The following IFNGR2 variants were observed in gnomAD, a reference collection of about 807,000 sequenced individuals.
IFNGR2 encodes the protein IFN-gamma receptor 2.
Under a neutral mutation model 41.1 loss-of-function variants are expected in IFNGR2, and 15 were observed. The observed-to-expected ratio is 0.37, with a 90% CI of 0.24 to 0.56. The LOEUF (loss-of-function observed/expected upper bound fraction) is 0.56, where lower values mean the gene tolerates loss of function less well. Ranked by LOEUF, IFNGR2 falls within the 20% of genes least tolerant of loss-of-function variation. The pLI, the probability that IFNGR2 is intolerant of heterozygous loss-of-function variation, is 0.81. For missense variants in IFNGR2, 362 were observed against 415.7 expected, an observed-to-expected ratio of 0.87 and a Z score of 1.12; for synonymous variants, 161 against 171.6, an observed-to-expected ratio of 0.94 and a Z score of 0.48.
At chr21:33,404,591 G>A (rs1399269836) in intron 1 of IFNGR2, among the ~76,000 whole-genome samples, 1 of 152,002 alleles carries the variant, frequency 6.6e-6, no homozygotes, top group East Asian at 1.9e-4. Flanking sequence ...GCCACGCCTG[G>A]CCAATTTTTG....
intron 2 of IFNGR2, among the ~76,000 whole-genome samples, chr21:33,419,047 G>A (rs1308752961): frequency 6.6e-6 from 1 of 152,054 alleles, no homozygotes; most frequent in African/African-American, 2.4e-5. Flanking sequence ...AAAATAACCT[G>A]TTGTTCTACA....
At chr21:33,418,451 T>C (rs1446461746) in intron 2 of IFNGR2, among the ~76,000 whole-genome samples, 2 of 152,218 alleles carry the variant, frequency 1.3e-5, no homozygotes, top group Non-Finnish European at 2.9e-5. Context: ...TTTTTCTTTT[T>C]CAGTTTGTAG....
At chr21:33,405,502 G>A (rs1480961223) in intron 1 of IFNGR2, among the ~76,000 whole-genome samples, 4 of 152,136 alleles carry the variant, frequency 2.6e-5, no homozygotes, top group East Asian at 3.8e-4. Context: ...GTTGATGATT[G>A]TCCTAGTGTG....
chr21:33,422,727 A>G (rs1328329279), intron 3 of IFNGR2, among the ~76,000 whole-genome samples: 1 of 151,900 alleles, frequency 6.6e-6, no homozygotes, highest in African/African-American at 2.4e-5. Context: ...AAACACAAAA[A>G]TTAGCTGGAT....
rs12106465 is a variant in IFNGR2, at chr21:33,406,860, G to T, written c.73+3244G>T. 8.1e-3 allele frequency among the ~76,000 whole-genome samples: 1,223 copies of T among 151,812 alleles called. 12 individuals are homozygous for T. The highest frequency in any genetic ancestry group is 0.028 in the African/African-American group (1,151 of 41,358). ...GATGAGGTTTCACCGTGTTTCCCAG[G>T]CTGGTTTTGAACTCCTGGGGTCAAG... On this transcript the variant is annotated intron_variant, in intron 1 of 6. Transcript: ENST00000290219.
At chr21:33,428,184 C>T (rs1274503670) in intron 4 of IFNGR2, among the ~76,000 whole-genome samples, 6 of 150,984 alleles carry the variant, frequency 4.0e-5, no homozygotes, top group South Asian at 2.1e-4. Context: ...TTCTGCCACA[C>T]GCTTTGTATC....
intron 3 of IFNGR2, among the ~76,000 whole-genome samples, chr21:33,426,187 CG>C (rs1310520290): frequency 8.6e-5 from 13 of 152,004 alleles, no homozygotes; most frequent in Non-Finnish European, 1.8e-4. Context: ...CCAAGGCAGG[CG>C]GATCACCTGA....
chr21:33,432,401 G>C, intron 5 of IFNGR2, 65 bp downstream of exon 5: 1 of 1,484,820 alleles, frequency 6.7e-7, no homozygotes, highest in Non-Finnish European at 9.4e-7. Flanking sequence ...TAGTGAAATC[G>C]GGGAATGCTT....
intron 4 of IFNGR2, among the ~76,000 whole-genome samples, chr21:33,430,093 C>T (rs1254391863): frequency 6.6e-6 from 1 of 152,128 alleles, no homozygotes; most frequent in Non-Finnish European, 1.5e-5. Context: ...GAGTCGAGAT[C>T]ACACTACTGC....
At chr21:33,408,601 T>C (rs1250382366) in intron 1 of IFNGR2, among the ~76,000 whole-genome samples, 1 of 152,174 alleles carries the variant, frequency 6.6e-6, no homozygotes, top group Non-Finnish European at 1.5e-5. Flanking sequence ...ATTCACCTCT[T>C]CACTGGTTGT....
chr21:33,427,092 A>G (rs563280647), intron 4 of IFNGR2, 60 bp downstream of exon 4: 3 of 1,467,076 alleles, frequency 2.0e-6, no homozygotes, highest in East Asian at 2.3e-5. Context: ...TGGCTTAGCA[A>G]AAGAAAGAAA....
chr21:33,435,917 C>T lies in IFNGR2; in HGVS notation c.880-911C>T, dbSNP rs534025936. 7.4e-5 allele frequency among the ~76,000 whole-genome samples: 11 copies of T among 147,892 alleles called. No individual in the cohort carries two copies. The South Asian group carries it at 8.6e-4, about 12-fold the overall frequency. ...AAAAAAAAAAAAAAAATTAGCCAGC[C>T]GTGGTGGTGCACGCCTGCAATCCTA... On this transcript the variant is annotated intron_variant, in intron 6 of 6. Transcript: ENST00000290219.
intron 3 of IFNGR2, among the ~76,000 whole-genome samples, chr21:33,423,320 T>C (rs1270481936): frequency 1.3e-5 from 2 of 151,856 alleles, no homozygotes; most frequent in Non-Finnish European, 2.9e-5. Flanking sequence ...ATTACAGGCG[T>C]GAGCCACCGC....
intron 4 of IFNGR2, among the ~76,000 whole-genome samples, chr21:33,427,973 T>C (rs1296736682): frequency 1.3e-5 from 2 of 151,604 alleles, no homozygotes; most frequent in East Asian, 3.9e-4. Context: ...TCAGGTGATC[T>C]GCCCACCTTG....
At chr21:33,428,399 AT>A (rs368717790) in intron 4 of IFNGR2, among the ~76,000 whole-genome samples, 1 of 149,938 alleles carries the variant, frequency 6.7e-6, no homozygotes, top group Non-Finnish European at 1.5e-5. Flanking sequence ...ATATTTTTAA[AT>A]TTTTTTTTAT....
intron 6 of IFNGR2, among the ~76,000 whole-genome samples, chr21:33,434,379 G>A (rs952018953): frequency 5.3e-5 from 8 of 152,160 alleles, no homozygotes; most frequent in Non-Finnish European, 8.8e-5. Flanking sequence ...AAAATTAGCC[G>A]GGCGTGGTGG....
At chr21:33,429,229 ACT>A (rs1348218399) in intron 4 of IFNGR2, among the ~76,000 whole-genome samples, 1 of 151,912 alleles carries the variant, frequency 6.6e-6, no homozygotes, top group Non-Finnish European at 1.5e-5. Context: ...GATGAAAATG[ACT>A]CTGAAAGCCA....
intron 6 of IFNGR2, 74 bp downstream of exon 6, chr21:33,432,945 G>A: frequency 7.9e-7 from 1 of 1,264,652 alleles, no homozygotes; most frequent in Non-Finnish European, 1.1e-6. Flanking sequence ...GAGTGTCATG[G>A]TACAATCTCT....
Position 33,414,925 on chromosome 21 carries a change from G to T in IFNGR2, c.111G>T (p.Lys37Asn). ...LSQLPAPQHP[K>N]IRLYNAEQVL... is the part of the protein sequence containing the mutation. ...AGCTGCCCGCTCCTCAGCACCCGAA[G>T]ATTCGCCTGTACAACGCAGAGCAGG... Residue 37 changes from lysine to asparagine, a missense_variant, in exon 2 of 7, where the codon AAG (lysine) becomes AAT (asparagine). Lys to Asn is a moderately conservative substitution (Grantham distance 94). Coordinates refer to ENST00000290219, the MANE Select transcript of IFNGR2 (RefSeq NM_005534.4). 6.2e-7 allele frequency: 1 copy of T among 1,614,148 alleles called. No homozygotes were observed. Among genetic ancestry groups the T allele is most frequent in the Non-Finnish European group, 8.5e-7 (1 of 1,180,036 alleles).
Sources: allele counts gnomAD v4.1 joint callset (sites outside exome capture counted in the v4.1 genomes callset), GRCh38; gene constraint gnomAD v4.1.1; transcripts MANE v1.5; gene names NCBI Gene and HGNC (gene_info 2026-07-23, HGNC 2026-07-21).